Variants in AUH observed in about 807,000 individuals in gnomAD.
The protein encoded by AUH is methylglutaconyl-CoA hydratase, mitochondrial.
A neutral mutation model predicts 42.3 loss-of-function variants in AUH; 29 were observed. That is an observed-to-expected ratio of 0.69 (90% CI 0.51 to 0.93). The LOEUF (loss-of-function observed/expected upper bound fraction) is 0.93, where lower values mean the gene tolerates loss of function less well. Ranked by LOEUF, AUH falls within the 40% of genes least tolerant of loss-of-function variation. The probability of loss-of-function intolerance (pLI) is 0.00; values close to 1 mark genes in which losing one functional copy is unlikely to be tolerated. For missense variants in AUH, 452 were observed against 438.1 expected (o/e 1.03, Z -0.28); for synonymous variants, 174 against 166.4 (o/e 1.05, Z -0.35).
chr9:91,320,966 T>C (rs1829524835), intron 4 of AUH, among the ~76,000 whole-genome samples: 1 of 152,236 alleles, frequency 6.6e-6, no homozygotes, highest in Non-Finnish European at 1.5e-5. Context: ...TACCAATTTA[T>C]CCATATCATT....
At chr9:91,219,759 G>A (rs894208220) in intron 7 of AUH, among the ~76,000 whole-genome samples, 1 of 152,200 alleles carries the variant, frequency 6.6e-6, no homozygotes, top group African/African-American at 2.4e-5. Flanking sequence ...AGTGGGGACT[G>A]GTTTGTCAGC....
chr9:91,316,517 G>A (rs1041605985), intron 4 of AUH, among the ~76,000 whole-genome samples: 1 of 152,148 alleles, frequency 6.6e-6, no homozygotes, highest in African/African-American at 2.4e-5. Flanking sequence ...CTTCCTGCCT[G>A]GTAATCCACT....
At chr9:91,269,038 T>C (rs1824895152) in intron 6 of AUH, among the ~76,000 whole-genome samples, 1 of 152,014 alleles carries the variant, frequency 6.6e-6, no homozygotes, top group Non-Finnish European at 1.5e-5. Context: ...TGGAGCACAG[T>C]GGTGCGATCT....
At chr9:91,335,416 A>G (rs554369548) in intron 3 of AUH, among the ~76,000 whole-genome samples, 2 of 152,262 alleles carry the variant, frequency 1.3e-5, no homozygotes, top group East Asian at 1.9e-4. Context: ...CCCTTTTCCA[A>G]TCTGAATATT....
At chr9:91,303,609 AAGCCACTGCGCCC>A (rs1827983233) in intron 4 of AUH, among the ~76,000 whole-genome samples, 1 of 152,148 alleles carries the variant, frequency 6.6e-6, no homozygotes, top group Admixed American at 6.5e-5. Flanking sequence ...TTACAGGCGT[AAGCCACTGCGCCC>A]AGCCCCACAG....
At chr9:91,214,479 T>C in intron 9 of AUH, 54 bp from the exon 10 acceptor site, 1 of 1,449,054 alleles carries the variant, frequency 6.9e-7, no homozygotes, top group South Asian at 1.2e-5. Context: ...ACTGTAAAAG[T>C]TTATCAAGCA....
intron 6 of AUH, among the ~76,000 whole-genome samples, chr9:91,247,379 C>A (rs917103399): frequency 1.3e-5 from 2 of 152,098 alleles, no homozygotes; most frequent in African/African-American, 4.8e-5. Context: ...TTATGCAGAT[C>A]ATCTCTCCTG....
chr9:91,297,112 A>C (rs946481582), intron 5 of AUH, among the ~76,000 whole-genome samples: 6 of 152,198 alleles, frequency 3.9e-5, no homozygotes, highest in African/African-American at 1.4e-4. Flanking sequence ...TGAATATGGG[A>C]GATCAGTCTA....
intron 4 of AUH, among the ~76,000 whole-genome samples, chr9:91,324,433 T>C (rs1829816723): frequency 6.6e-6 from 1 of 150,882 alleles, no homozygotes; most frequent in South Asian, 2.1e-4. Context: ...AGCCCAGGAG[T>C]TGGAGGTTAC....
At chr9:91,290,979 A>G (rs926801476) in intron 6 of AUH, among the ~76,000 whole-genome samples, 1 of 152,130 alleles carries the variant, frequency 6.6e-6, no homozygotes, top group African/African-American at 2.4e-5. Context: ...ATTCTCTCTC[A>G]GTTTTGGAGG....
At chr9:91,307,069 G>A (rs1282219981) in intron 4 of AUH, among the ~76,000 whole-genome samples, 2 of 152,134 alleles carry the variant, frequency 1.3e-5, no homozygotes, top group Non-Finnish European at 2.9e-5. Flanking sequence ...AATTGCCTGA[G>A]GATAAGTTGA....
intron 6 of AUH, among the ~76,000 whole-genome samples, chr9:91,225,856 T>A (rs1286653580): frequency 6.6e-6 from 1 of 151,990 alleles, no homozygotes. Flanking sequence ...TCCAATTTCA[T>A]CCATGTCCCT....
intron 4 of AUH, among the ~76,000 whole-genome samples, chr9:91,322,000 T>C (rs1829615132): frequency 6.6e-6 from 1 of 152,178 alleles, no homozygotes; most frequent in Admixed American, 6.5e-5. Flanking sequence ...AATGAGTGGA[T>C]TCTATTAAGA....
At chr9:91,298,409 T>C (rs993157721) in intron 4 of AUH, among the ~76,000 whole-genome samples, 4 of 152,236 alleles carry the variant, frequency 2.6e-5, no homozygotes, top group Non-Finnish European at 4.4e-5. Context: ...CACAAGATGT[T>C]TGGTTCATAC....
At position 91,249,292 on chromosome 9, in the gene AUH, C is replaced by CAAAAAAAAAAAAAAA. The variant is rs59102669; in HGVS notation, c.656-28315_656-28301dup. Among the ~76,000 whole-genome samples, 12 of 32,534 alleles carry CAAAAAAAAAAAAAAA rather than the reference C, an allele frequency of 3.7e-4. 1 individual carries two copies. Among genetic ancestry groups the CAAAAAAAAAAAAAAA allele is most frequent in the East Asian group, 7.6e-4 (1 of 1,320 alleles). The allele number at this position is 32,534 out of a possible 152,430, so 21.3% of individuals were successfully genotyped here. A position where few individuals can be genotyped will look rare whatever the true frequency, so the allele number is the denominator to read the frequency against. On this transcript the variant is annotated intron_variant, in intron 6 of 9. Transcript: ENST00000375731. ...TGCCTGGGCGACAGAGAACCTGTCT[C>CAAAAAAAAAAAAAAA]AAAAAAAAAAAAAAAAAAAAAAAAA...
intron 6 of AUH, among the ~76,000 whole-genome samples, chr9:91,282,408 GT>G (rs1457665585): frequency 6.6e-6 from 1 of 151,778 alleles, no homozygotes; most frequent in Non-Finnish European, 1.5e-5. Flanking sequence ...TACTGTTCCT[GT>G]GCTAGAAGGT....
At chr9:91,315,146 C>A (rs896496299) in intron 4 of AUH, among the ~76,000 whole-genome samples, 3 of 152,186 alleles carry the variant, frequency 2.0e-5, no homozygotes, top group Non-Finnish European at 4.4e-5. Context: ...ACCACGTTGG[C>A]CAGGCTGGTC....
intron 6 of AUH, among the ~76,000 whole-genome samples, chr9:91,284,204 A>C (rs1826212697): frequency 1.3e-5 from 2 of 152,088 alleles, no homozygotes. Flanking sequence ...CAAAAACAAG[A>C]AATAGGGAAA....
chr9:91,295,445 AAG>A (rs1420663071), intron 6 of AUH, among the ~76,000 whole-genome samples: 1 of 152,214 alleles, frequency 6.6e-6, no homozygotes, highest in Non-Finnish European at 1.5e-5. Flanking sequence ...CCAATTTTGA[AAG>A]AATTATGAGT....
Sources: gnomAD v4.1 joint callset for allele counts (sites outside exome capture counted in the v4.1 genomes callset) on GRCh38, gnomAD v4.1.1 for gene constraint, MANE v1.5 for transcripts, NCBI Gene and HGNC (gene_info 2026-07-23, HGNC 2026-07-21) for gene names.